The following OPHN1 variants were observed in gnomAD, a reference collection of about 807,000 sequenced individuals.
OPHN1 encodes the protein oligophrenin-1.
OPHN1 carries 11 observed loss-of-function variants against 60.7 expected under a neutral mutation model. The ratio of observed to expected loss-of-function variants is 0.18; its 90% CI spans 0.11 to 0.30. The LOEUF (loss-of-function observed/expected upper bound fraction) is 0.30, where lower values mean the gene tolerates loss of function less well. Among genes scored for constraint, OPHN1 ranks in the 10% least tolerant of loss-of-function variants. The pLI is 1.00. For missense variants in OPHN1, 449 were observed against 611.0 expected (o/e 0.73, Z 2.80); for synonymous variants, 226 against 222.6 (o/e 1.02, Z -0.14).
At chrX:68,328,138 T>A (rs2078275880) in intron 2 of OPHN1, among the ~76,000 whole-genome samples, 1 of 88,689 alleles carries the variant, frequency 1.1e-5, no homozygotes, top group Non-Finnish European at 2.2e-5. Context: ...CAAACTTTTT[T>A]TTTTTTTTGA....
chrX:68,390,497 G>T (rs1202040057), intron 2 of OPHN1, among the ~76,000 whole-genome samples: 2 of 111,486 alleles, frequency 1.8e-5, no homozygotes, highest in Non-Finnish European at 3.8e-5. Flanking sequence ...TACTCAGGAG[G>T]CTGAGGTGGG....
chrX:68,269,886 T>G (rs2077957211), intron 5 of OPHN1, among the ~76,000 whole-genome samples: 1 of 111,010 alleles, frequency 9.0e-6, no homozygotes, highest in Non-Finnish European at 1.9e-5. Context: ...TCAAACAAAT[T>G]TACAAGAAAA....
intron 19 of OPHN1, among the ~76,000 whole-genome samples, chrX:68,075,663 T>C (rs2076950706): frequency 9.4e-6 from 1 of 105,834 alleles, no homozygotes; most frequent in African/African-American, 3.5e-5. Flanking sequence ...TGGAACAAAA[T>C]AGAAAGCCCA....
At chrX:68,143,445 C>A (rs933780507) in intron 15 of OPHN1, among the ~76,000 whole-genome samples, 1 of 110,992 alleles carries the variant, frequency 9.0e-6, no homozygotes, top group Admixed American at 9.6e-5. Context: ...AATCAAATTT[C>A]TTCATCTTTG....
chrX:68,426,507 G>A (rs1262023417), intron 2 of OPHN1, among the ~76,000 whole-genome samples: 1 of 74,037 alleles, frequency 1.4e-5, no homozygotes, highest in Non-Finnish European at 2.9e-5. Flanking sequence ...GGTTGTGCAC[G>A]TATATATGTG....
intron 19 of OPHN1, 73 bp downstream of exon 19, chrX:68,096,797 A>G: frequency 9.6e-7 from 1 of 1,046,584 alleles, no homozygotes; most frequent in Non-Finnish European, 1.3e-6. Flanking sequence ...GGAGGAAGAC[A>G]CAGCACTAAA....
chrX:68,122,545 T>G (rs931633478), intron 15 of OPHN1, among the ~76,000 whole-genome samples: 2 of 111,215 alleles, frequency 1.8e-5, no homozygotes, highest in African/African-American at 6.5e-5. Context: ...ATGTGACATA[T>G]AAGACAGAGA....
intron 17 of OPHN1, 131 bp from the exon 18 acceptor site, chrX:68,112,090 G>GAGACAC (rs2077107636): frequency 5.4e-6 from 1 of 185,665 alleles, no homozygotes; most frequent in African/African-American, 3.4e-5. Flanking sequence ...CACACACACA[G>GAGACAC]AGAGAGATTC....
chrX:68,107,817 G>T lies in OPHN1; in HGVS notation c.1526+4037C>A, dbSNP rs192650669. ...ATGCTAACTTTGATCAATTACTTAA[G>T]GTGGTGTCTGCCAGATAGGTTCATT... On this transcript the variant is annotated intron_variant, in intron 18 of 24. Coordinates refer to ENST00000355520, the MANE Select transcript of OPHN1 (RefSeq NM_002547.3). Among the ~76,000 whole-genome samples the T allele has an allele frequency of 3.3e-3, 372 of 111,894 alleles. 3 individuals carry two copies. The highest frequency in any genetic ancestry group is 0.011 in the African/African-American group (352 of 30,821).
chrX:68,333,255 A>AAATAATAAT (rs541199386), intron 2 of OPHN1, among the ~76,000 whole-genome samples: 2 of 108,097 alleles, frequency 1.9e-5, no homozygotes, highest in African/African-American at 6.8e-5. Flanking sequence ...CCATCTCTAC[A>AAATAATAAT]AATAATAATA....
intron 2 of OPHN1, among the ~76,000 whole-genome samples, chrX:68,427,532 C>T (rs1468998883): frequency 3.7e-5 from 4 of 108,981 alleles, no homozygotes; most frequent in Non-Finnish European, 7.6e-5. Flanking sequence ...CCTGGGGTCC[C>T]AGTGAAATCG....
chrX:68,311,677 C>T (rs1199234376), intron 2 of OPHN1, among the ~76,000 whole-genome samples: 1 of 112,154 alleles, frequency 8.9e-6, no homozygotes, highest in Non-Finnish European at 1.9e-5. Flanking sequence ...AAGTGATGCG[C>T]CCACCTCGGC....
At chrX:68,289,508 T>C (rs1204668952) in intron 3 of OPHN1, among the ~76,000 whole-genome samples, 1 of 112,282 alleles carries the variant, frequency 8.9e-6, no homozygotes, top group Non-Finnish European at 1.9e-5. Context: ...CTTAAAATTA[T>C]CTATACCCTT....
At chrX:68,342,172 T>C (rs1299326249) in intron 2 of OPHN1, among the ~76,000 whole-genome samples, 1 of 109,758 alleles carries the variant, frequency 9.1e-6, no homozygotes, top group East Asian at 2.9e-4. Flanking sequence ...GGTTTCAGCA[T>C]GTTACCCAGG....
Position 68,193,883 on chromosome X carries a change from A to G in OPHN1, c.1201+7T>C. ...AGACAATGCCAAGACTATGGTTCAG[A>G]TCTTACCTTTGGTCTCAATAATATT... On this transcript the variant is annotated splice_region_variant and intron_variant, in intron 14 of 24. Transcript: ENST00000355520. The G allele has an allele frequency of 8.4e-7, 1 of 1,192,978 alleles. No homozygotes were observed. Among genetic ancestry groups the G allele is most frequent in the Non-Finnish European group, 1.1e-6 (1 of 878,564 alleles).
chrX:68,144,753 T>C (rs758174945), intron 15 of OPHN1, among the ~76,000 whole-genome samples: 1 of 112,109 alleles, frequency 8.9e-6, no homozygotes, highest in South Asian at 3.7e-4. Flanking sequence ...ATGGCATTCA[T>C]TTATTTATTA....
At chrX:68,129,515 C>G (rs1270633404) in intron 15 of OPHN1, among the ~76,000 whole-genome samples, 1 of 111,863 alleles carries the variant, frequency 8.9e-6, no homozygotes, top group Non-Finnish European at 1.9e-5. Flanking sequence ...ATTGCTAAGC[C>G]ATCTACCATG....
chrX:68,064,142 T>G lies in OPHN1; in HGVS notation c.1870A>C (p.Thr624Pro). The G allele has an allele frequency of 8.3e-7, 1 of 1,211,056 alleles. No individual in the cohort carries two copies. Among genetic ancestry groups the G allele is most frequent in the South Asian group, 1.8e-5 (1 of 56,868 alleles). The change falls in exon 21 of 25, where the codon ACC becomes CCC. Residue 624 changes from threonine (T) to proline (P), a missense_variant. This residue lies in a region of OPHN1 where 184 missense variants were observed against 160.5 expected (regional missense o/e 1.15). Transcript: ENST00000355520. The part of the protein sequence containing the change: ...IQHQTPNGTI[T>P]SSIEPPKPPQ... ...GGCTTGGGGGGTTCTATGCTGCTGG[T>G]GATAGTACCATTCGGTGTTTGATGT... is the stretch of plus-strand genomic sequence containing the variant.
intron 23 of OPHN1, among the ~76,000 whole-genome samples, 162 bp from the exon 24 acceptor site, chrX:68,048,619 T>C (rs1021571082): frequency 3.6e-5 from 4 of 112,286 alleles, no homozygotes; most frequent in African/African-American, 9.7e-5. Context: ...TCCATGCTTA[T>C]AGTTGGGGCT....
Sources: gnomAD v4.1 joint callset for allele counts (sites outside exome capture counted in the v4.1 genomes callset) on GRCh38, gnomAD v4.1.1 for gene constraint, gnomAD v4.1.1 regional missense constraint, MANE v1.5 for transcripts, NCBI Gene and HGNC (gene_info 2026-07-23, HGNC 2026-07-21) for gene names.